TNXB: variants seen among roughly 807,000 people sequenced by gnomAD.
The protein encoded by TNXB is tenascin XB.
In TNXB, 183 loss-of-function variants were observed where a neutral mutation model predicts 340.5. The observed-to-expected ratio is 0.54, with a 90% CI of 0.48 to 0.61. The LOEUF is 0.61. Ranked by LOEUF, TNXB falls within the 20% of genes least tolerant of loss-of-function variation. TNXB has a pLI of 0.00. For missense variants in TNXB, 4,613 were observed against 5,446.4 expected, an observed-to-expected ratio of 0.85 and a Z score of 4.82; for synonymous variants, 2,121 against 2,314.5, an observed-to-expected ratio of 0.92 and a Z score of 2.40.
Position 32,061,341 on chromosome 6 carries a change from A to C in TNXB, c.7492+56T>G. The stretch of plus-strand genomic sequence containing the variant: ...GGGCTTGGTGAAAGGGCACAGCAGT[A>C]AACCAGGTACCCATGAGGGAAAGGT... On this transcript the variant is annotated intron_variant, in intron 21 of 43. Coordinates refer to ENST00000644971, the MANE Select transcript of TNXB (RefSeq NM_001365276.2). This position sits in a 1 kb window ranked among gnomAD's most constrained non-coding sequence, Gnocchi z 4.4. The C allele has an allele frequency of 6.3e-7, 1 of 1,586,658 alleles. No homozygotes were observed. Among genetic ancestry groups the C allele is most frequent in the Non-Finnish European group, 8.6e-7 (1 of 1,164,948 alleles).
At chr6:32,041,665 C>A in intron 43 of TNXB, 106 bp downstream of exon 43, 2 of 1,169,278 alleles carry the variant, frequency 1.7e-6, no homozygotes, top group East Asian at 2.5e-5. Context: ...ATGATTGTTC[C>A]ATTTCACCCA....
Position 32,048,457 on chromosome 6 carries a change from GAC to G in TNXB, c.9949_9950del (p.Val3317LeufsTer52). On this transcript the variant is annotated frameshift_variant, in exon 29 of 44. Coordinates refer to ENST00000644971, the MANE Select transcript of TNXB (RefSeq NM_001365276.2). LOFTEE classifies it high-confidence loss of function. ...ACTTGCGGGCCGGGTCCAGCCCCGA[GAC>G]GGCGACCGCTCGGAGGTCTCCGCTC... ...PVSGDLRAVA[V>X]SGLDPARKYK... is the part of the protein sequence containing the mutation. The G allele has an allele frequency of 6.3e-7, 1 of 1,590,564 alleles. No homozygotes were observed. The highest frequency in any genetic ancestry group is 8.6e-7 in the Non-Finnish European group (1 of 1,167,432).
chr6:32,097,828 C>A lies in TNXB; in HGVS notation c.371G>T (p.Gly124Val). ...AGCTTGGGCAGAGGCAGGACAACAT[C>A]CCCCAGTGCACTGTTCCTTGAGCCC... ...VKGLKEQCTGGCCPASAQAGT... is the reference protein window; with the variant it reads ...VKGLKEQCTGVCCPASAQAGT... Residue 124 changes from glycine to valine, a missense_variant, in exon 2 of 44, where the codon GGA becomes GTA. Gly to Val is a moderately radical substitution (Grantham distance 109). Around this residue, in one of 7 missense-constraint regions of TNXB, gnomAD observed 4,327 missense variants for 4,859.4 expected, o/e 0.89. Transcript: ENST00000644971. The surrounding 1 kb of genome is among the most constrained non-coding windows in gnomAD (Gnocchi z 5.9). The A allele has an allele frequency of 6.6e-7, 1 of 1,510,668 alleles. No individual in the cohort carries two copies. The highest frequency in any genetic ancestry group is 8.9e-7 in the Non-Finnish European group (1 of 1,127,336). 93.6% of individuals were successfully genotyped at this position (1,510,668 alleles called of 1,614,324 possible).
In TNXB at chr6:32,070,388, C is replaced by T. The variant is rs1402453701; in HGVS notation, c.5017G>A (p.Ala1673Thr). 6.3e-7 allele frequency: 1 copy of T among 1,595,020 alleles called. No individual in the cohort carries two copies. The highest frequency in any genetic ancestry group is 2.2e-5 in the East Asian group (1 of 44,520). ...TVARGDASPGAPPRLGELWVT... is the reference protein window; with the variant it reads ...TVARGDASPGTPPRLGELWVT... ...CACAGCTCCCCAAGGCGGGGTGGGG[C>T]CCCTGGGCTGGCGTCACCTCGGGCA... The change falls in exon 14 of 44, where the codon GCC (alanine) becomes ACC (threonine). Residue 1673 changes from alanine to threonine, a missense_variant. Ala to Thr is a moderately conservative substitution (Grantham distance 58, BLOSUM62 0). This residue lies in a region of TNXB where 4,327 missense variants were observed against 4,859.4 expected (regional missense o/e 0.89). Transcript: ENST00000644971. This position sits in a 1 kb window ranked among gnomAD's most constrained non-coding sequence, Gnocchi z 6.0.
chr6:32,057,033 C>T (rs1777703369), intron 22 of TNXB, 130 bp from the exon 23 acceptor site: 2 of 1,180,148 alleles, frequency 1.7e-6, no homozygotes, highest in Non-Finnish European at 2.4e-6. Context: ...TCCAGCACAG[C>T]TCTTCATCCT....
At chr6:32,106,741 C>G (rs393544) in intron 1 of TNXB, among the ~76,000 whole-genome samples, 7,926 of 152,258 alleles carry the variant, frequency 0.052, 288 homozygotes, top group African/African-American at 0.099. Context: ...CAGCCCTTCT[C>G]TCAGCCTGGA....
At position 32,083,047 on chromosome 6, in the gene TNXB, TC is replaced by T. The variant is rs1779568343; in HGVS notation, c.3446-722del. 6.6e-6 allele frequency among the ~76,000 whole-genome samples: 1 copy of T among 152,108 alleles called. No homozygotes were observed. Among genetic ancestry groups the T allele is most frequent in the Non-Finnish European group, 1.5e-5 (1 of 68,016 alleles). ...GTCCTCACCTCCACCACCCTCCCGA[TC>T]CAGCTCCACCCCTCCACCAGGCAGC... On this transcript the variant is annotated intron_variant, in intron 8 of 43. Transcript: ENST00000644971. The surrounding 1 kb of genome is among the most constrained non-coding windows in gnomAD (Gnocchi z 4.6).
chr6:32,075,959 C>T lies in TNXB; in HGVS notation c.4376-2007G>A, dbSNP rs932683434. 6.6e-6 allele frequency among the ~76,000 whole-genome samples: 1 copy of T among 152,148 alleles called. No individual in the cohort carries two copies. Among genetic ancestry groups the T allele is most frequent in the Non-Finnish European group, 1.5e-5 (1 of 68,032 alleles). ...TGCTTAAAACAGGCTGGTGACCAGG[C>T]CTCGGGCAGACAGAAATGAGTCAGG... is the stretch of plus-strand genomic sequence containing the variant. On this transcript the variant is annotated intron_variant, in intron 11 of 43. Transcript: ENST00000644971. The surrounding 1 kb of genome is among the most constrained non-coding windows in gnomAD (Gnocchi z 4.6).
intron 21 of TNXB, among the ~76,000 whole-genome samples, chr6:32,060,985 T>C (rs1205847083): frequency 6.6e-6 from 1 of 151,988 alleles, no homozygotes. Context: ...GGGTCTTATG[T>C]TAAAACATTT....
In TNXB at chr6:32,081,036, AGG is replaced by A. The variant is rs900085469; in HGVS notation, c.4042+330_4042+331del. Among the ~76,000 whole-genome samples, 1 of 152,066 alleles carries A rather than the reference AGG, an allele frequency of 6.6e-6. No homozygotes were observed. The highest frequency in any genetic ancestry group is 1.5e-5 in the Non-Finnish European group (1 of 68,006). Reference sequence around the variant, plus strand: ...CCATGAAGGAGCCCAGTAAAAACTGAGGGGTGAGAACACAGTGACCGAATGGT... The same window carrying A: ...CCATGAAGGAGCCCAGTAAAAACTGAGGTGAGAACACAGTGACCGAATGGT... On this transcript the variant is annotated intron_variant, in intron 10 of 43. Coordinates refer to ENST00000644971, the MANE Select transcript of TNXB (RefSeq NM_001365276.2). This position sits in a 1 kb window ranked among gnomAD's most constrained non-coding sequence, Gnocchi z 5.1.
rs770471003 is a variant in TNXB, at chr6:32,052,903, G to A, written c.8882C>T (p.Thr2961Ile). The change falls in exon 26 of 44, where the codon ACA becomes ATA. Residue 2961 changes from threonine (T) to isoleucine (I), a missense_variant. Physicochemically the swap from Thr to Ile is moderately conservative, Grantham distance 89. Around this residue, in one of 7 missense-constraint regions of TNXB, gnomAD observed 4,327 missense variants for 4,859.4 expected, o/e 0.89. Coordinates refer to ENST00000644971, the MANE Select transcript of TNXB (RefSeq NM_001365276.2). This position sits in a 1 kb window ranked among gnomAD's most constrained non-coding sequence, Gnocchi z 4.7. The part of the protein sequence containing the change: ...EEPLLGELTV[T>I]GSSPDSLSLS... ...GCTCAGCGAGTCAGGGGAGGATCCT[G>A]TCACTGTCAGCTCCCCCAGGAGCGG... 6.2e-7 allele frequency: 1 copy of A among 1,612,750 alleles called. No homozygotes were observed. Among genetic ancestry groups the A allele is most frequent in the Non-Finnish European group, 8.5e-7 (1 of 1,179,856 alleles).
rs1421355581 is a variant in TNXB, at chr6:32,052,530, T to G, written c.9115+140A>C. ...AGGCCAAGCCTGCTGAATCCAAATC[T>G]GCTTTTTAACAAAAATCTCCAGGCA... is the stretch of plus-strand genomic sequence containing the variant. On this transcript the variant is annotated intron_variant, in intron 26 of 43. Coordinates refer to ENST00000644971, the MANE Select transcript of TNXB (RefSeq NM_001365276.2). The surrounding 1 kb of genome is among the most constrained non-coding windows in gnomAD (Gnocchi z 4.7). The G allele has an allele frequency of 3.8e-5, 46 of 1,197,720 alleles. No individual in the cohort carries two copies. The highest frequency in any genetic ancestry group is 4.8e-5 in the Non-Finnish European group (42 of 875,384). 74.2% of individuals were successfully genotyped at this position (1,197,720 alleles called of 1,614,324 possible).
chr6:32,062,608 T>C lies in TNXB; in HGVS notation c.6842-125A>G, dbSNP rs1043520952. The stretch of plus-strand genomic sequence containing the variant: ...ATGCTGGTGCCCCAAGCTTAGAATA[T>C]CATTTTTCTGCTTTGAATGTTCAGT... On this transcript the variant is annotated intron_variant, in intron 19 of 43. Coordinates refer to ENST00000644971, the MANE Select transcript of TNXB (RefSeq NM_001365276.2). This position sits in a 1 kb window ranked among gnomAD's most constrained non-coding sequence, Gnocchi z 4.3. 11 of 939,762 alleles carry C rather than the reference T, an allele frequency of 1.2e-5. No homozygotes were observed. The highest frequency in any genetic ancestry group is 1.7e-5 in the Non-Finnish European group (11 of 647,576). The allele number at this position is 939,762 out of a possible 1,614,324, so 58.2% of individuals were successfully genotyped here. A position where few individuals can be genotyped will look rare whatever the true frequency, so the allele number is the denominator to read the frequency against.
chr6:32,098,239 T>C, intron 1 of TNXB, 33 bp from the exon 2 acceptor site: 1 of 1,446,788 alleles, frequency 6.9e-7, no homozygotes, highest in Non-Finnish European at 9.2e-7. Context: ...TGAGAGCAGC[T>C]TCAAAAAGGA....
Position 32,098,148 on chromosome 6 carries a change from C to T in TNXB, c.51G>A (p.Leu17=), listed in dbSNP as rs1471934466. 20 of 1,574,588 alleles carry T rather than the reference C, an allele frequency of 1.3e-5. No individual in the cohort carries two copies. The highest frequency in any genetic ancestry group is 3.4e-4 in the Middle Eastern group (2 of 5,934). ...AGGGGCCTGCTCTGGCTGTGCTCAG[C>T]AGCACCAGGAGAACCAGGCTGGAGG... ...ALTSSLVLLV[L]LSTARAGPFS... Residue 17 remains leucine (L), a synonymous_variant, in exon 2 of 44, where the codon CTG becomes CTA. Coordinates refer to ENST00000644971, the MANE Select transcript of TNXB (RefSeq NM_001365276.2).
rs1778508956 is a variant in TNXB, at chr6:32,068,161, G to A, written c.6221-177C>T. 6.6e-6 allele frequency among the ~76,000 whole-genome samples: 1 copy of A among 152,158 alleles called. No homozygotes were observed. The highest frequency in any genetic ancestry group is 1.5e-5 in the Non-Finnish European group (1 of 68,010). ...ATGACAAGTTCCAGGGTCAGCTGTGGGGGACCTGGGACAGCCACCAGCACA... is the reference window on the plus strand; with the variant it reads ...ATGACAAGTTCCAGGGTCAGCTGTGAGGGACCTGGGACAGCCACCAGCACA... On this transcript the variant is annotated intron_variant, in intron 17 of 43. Transcript: ENST00000644971. The surrounding 1 kb of genome is among the most constrained non-coding windows in gnomAD (Gnocchi z 5.3).
intron 6 of TNXB, 60 bp downstream of exon 6, chr6:32,088,725 G>T (rs1339796911): frequency 2.6e-6 from 4 of 1,528,592 alleles, no homozygotes; most frequent in African/African-American, 1.4e-5. Context: ...CTGGGCTCCT[G>T]AGGAGGAGGA....
chr6:32,079,167 C>A lies in TNXB; in HGVS notation c.4241G>T (p.Arg1414Leu), dbSNP rs9267799. 1 of 1,613,818 alleles carries A rather than the reference C, an allele frequency of 6.2e-7. No individual in the cohort carries two copies. The highest frequency in any genetic ancestry group is 8.5e-7 in the Non-Finnish European group (1 of 1,179,888). ...CTCCTTGCCCCCAACACGCACCGCC[C>A]GGGGCCGCCCATCCCTGTCCTTGTA... ...VQYKDRDGRP[R>L]AVRVGGKESE... The change falls in exon 11 of 44, where the codon CGG becomes CTG. Residue 1414 changes from arginine (R) to leucine (L), a missense_variant. Transcript: ENST00000644971. The surrounding 1 kb of genome is among the most constrained non-coding windows in gnomAD (Gnocchi z 7.1).
chr6:32,049,456 C>T lies in TNXB; in HGVS notation c.9571G>A (p.Gly3191Ser), dbSNP rs60738846. ...SLSLSWTVPQ[G>S]RFDSFTVQYK... Reference sequence around the variant, plus strand: ...TGCACGGTGAAGGAGTCGAAGCGGCCCTGGGGGACGGTCCAGGAGAGGCTC... The same window carrying T: ...TGCACGGTGAAGGAGTCGAAGCGGCTCTGGGGGACGGTCCAGGAGAGGCTC... Residue 3191 changes from glycine to serine, a missense_variant, in exon 28 of 44, where the codon GGC (glycine) becomes AGC (serine). Around this residue, in one of 7 missense-constraint regions of TNXB, gnomAD observed 4,327 missense variants for 4,859.4 expected, o/e 0.89. Coordinates refer to ENST00000644971, the MANE Select transcript of TNXB (RefSeq NM_001365276.2). This position sits in a 1 kb window ranked among gnomAD's most constrained non-coding sequence, Gnocchi z 4.5. 1.5e-3 allele frequency: 2,354 copies of T among 1,612,712 alleles called. 26 individuals are homozygous for T. The African/African-American group carries it at 0.027, about 19-fold the overall frequency.
Sources: gnomAD v4.1 joint callset for allele counts (sites outside exome capture counted in the v4.1 genomes callset) on GRCh38, gnomAD v4.1.1 for gene constraint, gnomAD v4.1.1 regional missense constraint, Gnocchi (gnomAD v3.1) non-coding constraint, MANE v1.5 for transcripts, NCBI Gene and HGNC (gene_info 2026-07-23, HGNC 2026-07-21) for gene names.